Variants in ANKS1B observed in about 807,000 individuals in gnomAD.
ANKS1B encodes ankyrin repeat and sterile alpha motif domain containing 1B, also known as ankyrin repeat and sterile alpha motif domain-containing protein 1B.
ANKS1B carries 36 observed loss-of-function variants against 148.3 expected under a neutral mutation model. That is an observed-to-expected ratio of 0.24 (90% CI 0.19 to 0.32). The LOEUF (loss-of-function observed/expected upper bound fraction) is 0.32. ANKS1B is among the 10% of genes least tolerant of loss of function. ANKS1B has a pLI of 1.00. For missense variants in ANKS1B, 1,157 were observed against 1,542.6 expected (o/e 0.75, Z 4.19); for synonymous variants, 542 against 560.8 (o/e 0.97, Z 0.47).
chr12:98,875,960 G>C (rs2099688310), intron 17 of ANKS1B, among the ~76,000 whole-genome samples: 2 of 152,032 alleles, frequency 1.3e-5, no homozygotes, highest in South Asian at 4.2e-4. Flanking sequence ...TCATTCATCT[G>C]GCCTACAAAA....
At chr12:98,814,899 C>A (rs2099127061) in intron 19 of ANKS1B, among the ~76,000 whole-genome samples, 1 of 152,204 alleles carries the variant, frequency 6.6e-6, no homozygotes, top group Admixed American at 6.5e-5. Context: ...AGACCTCTCT[C>A]TTAGCTCTGG....
At chr12:98,846,075 G>GAC (rs1456826681) in intron 17 of ANKS1B, among the ~76,000 whole-genome samples, 1 of 150,654 alleles carries the variant, frequency 6.6e-6, no homozygotes, top group Non-Finnish European at 1.5e-5. Context: ...GTGGTTTATT[G>GAC]ACAGTCTTTA....
chr12:99,184,438 C>G (rs1192177003), intron 14 of ANKS1B, among the ~76,000 whole-genome samples: 3 of 152,142 alleles, frequency 2.0e-5, no homozygotes, highest in Non-Finnish European at 4.4e-5. Flanking sequence ...AAAGAAAAGA[C>G]TTAGGGCTAC....
intron 9 of ANKS1B, chr12:99,648,339 A>G (rs1407944808): frequency 6.2e-7 from 1 of 1,614,172 alleles, no homozygotes; most frequent in Non-Finnish European, 8.5e-7. Context: ...AGATCAGCAA[A>G]AGAGGAGAAG....
At chr12:99,383,568 A>C (rs561780794) in intron 12 of ANKS1B, among the ~76,000 whole-genome samples, 1 of 152,346 alleles carries the variant, frequency 6.6e-6, no homozygotes, top group African/African-American at 2.4e-5. Flanking sequence ...TTGTGACCAC[A>C]TAATTCCTGC....
chr12:99,150,015 G>T (rs964289729), intron 15 of ANKS1B, among the ~76,000 whole-genome samples: 2 of 152,116 alleles, frequency 1.3e-5, no homozygotes, highest in Admixed American at 1.3e-4. Context: ...GAAGGTAAGG[G>T]TCATGTCTTA....
chr12:99,938,553 T>C (rs916172366), intron 1 of ANKS1B, among the ~76,000 whole-genome samples: 2 of 152,194 alleles, frequency 1.3e-5, no homozygotes, highest in Admixed American at 6.5e-5. Context: ...TTTCTTCTTA[T>C]ATTATTCAAG....
At chr12:98,950,113 GCATT>G (rs2099851826) in intron 17 of ANKS1B, among the ~76,000 whole-genome samples, 5 of 152,228 alleles carry the variant, frequency 3.3e-5, no homozygotes, top group African/African-American at 1.2e-4. Flanking sequence ...CAGTGAAGAT[GCATT>G]AAGACCGTAG....
chr12:98,772,940 TA>T, intron 25 of ANKS1B, 101 bp downstream of exon 25: 1 of 1,354,146 alleles, frequency 7.4e-7, no homozygotes, highest in Non-Finnish European at 1.0e-6. Flanking sequence ...TAATACCGGG[TA>T]AACAAGCCAA....
chr12:98,845,631 G>C (rs2099453627), intron 17 of ANKS1B, among the ~76,000 whole-genome samples: 1 of 151,990 alleles, frequency 6.6e-6, no homozygotes, highest in African/African-American at 2.4e-5. Flanking sequence ...CTTAATGCCA[G>C]AAGAGGAAGT....
intron 1 of ANKS1B, among the ~76,000 whole-genome samples, chr12:99,896,290 G>A (rs933237092): frequency 1.3e-5 from 2 of 151,024 alleles, no homozygotes; most frequent in Admixed American, 1.3e-4. Flanking sequence ...CTGTTTCCAT[G>A]TACTTGAAGT....
intron 25 of ANKS1B, among the ~76,000 whole-genome samples, chr12:98,770,291 C>G (rs1296245630): frequency 6.6e-6 from 1 of 152,202 alleles, no homozygotes; most frequent in Non-Finnish European, 1.5e-5. Flanking sequence ...GTATTCCGTT[C>G]TTTCTATGAC....
At chr12:99,457,189 T>C (rs751326316) in intron 10 of ANKS1B, among the ~76,000 whole-genome samples, 15 of 152,184 alleles carry the variant, frequency 9.9e-5, no homozygotes, top group Middle Eastern at 3.4e-3. Flanking sequence ...AGATGGTGTT[T>C]TTCAGAAAAA....
chr12:99,699,717 A>G (rs549706442), intron 8 of ANKS1B, among the ~76,000 whole-genome samples: 2 of 152,324 alleles, frequency 1.3e-5, no homozygotes, highest in South Asian at 4.1e-4. Flanking sequence ...ATATTCATCA[A>G]TGCAAGTAAC....
intron 10 of ANKS1B, among the ~76,000 whole-genome samples, chr12:99,444,273 C>G (rs1055300042): frequency 2.0e-5 from 3 of 151,866 alleles, no homozygotes; most frequent in Non-Finnish European, 4.4e-5. Context: ...AATGACTTTT[C>G]CTAGAAATCC....
At chr12:99,008,054 C>T (rs1399472660) in intron 17 of ANKS1B, among the ~76,000 whole-genome samples, 1 of 151,912 alleles carries the variant, frequency 6.6e-6, no homozygotes, top group Non-Finnish European at 1.5e-5. Context: ...TGGAGGAGTG[C>T]TGATATAGCA....
At chr12:99,748,009 A>G (rs150195673) in intron 8 of ANKS1B, among the ~76,000 whole-genome samples, 84 of 152,144 alleles carry the variant, frequency 5.5e-4, no homozygotes, top group Middle Eastern at 6.8e-3. Flanking sequence ...TTCACTTTCT[A>G]TTCTTAAAGG....
At chr12:99,580,599 C>T (rs533772828) in intron 9 of ANKS1B, among the ~76,000 whole-genome samples, 8 of 151,852 alleles carry the variant, frequency 5.3e-5, no homozygotes, top group East Asian at 1.9e-4. Flanking sequence ...GGAAGGGTAG[C>T]GAAGCGGGGG....
intron 19 of ANKS1B, among the ~76,000 whole-genome samples, chr12:98,820,786 A>C (rs2099181871): frequency 6.6e-6 from 1 of 152,204 alleles, no homozygotes; most frequent in South Asian, 2.1e-4. Flanking sequence ...AGCTTCTTGG[A>C]CAGTGTTTGC....
Sources: allele counts gnomAD v4.1 joint callset (sites outside exome capture counted in the v4.1 genomes callset), GRCh38; gene constraint gnomAD v4.1.1; transcripts MANE v1.5; gene names NCBI Gene and HGNC (gene_info 2026-07-23, HGNC 2026-07-21).